Variants in USH2A observed in about 807,000 individuals in gnomAD.
The protein encoded by USH2A is Usher syndrome 2A (autosomal recessive, mild).
Under a neutral mutation model 538.9 loss-of-function variants are expected in USH2A, and 443 were observed. The ratio of observed to expected loss-of-function variants is 0.82; its 90% CI spans 0.76 to 0.89. The LOEUF is 0.89. Among genes scored for constraint, USH2A ranks in the 40% least tolerant of loss-of-function variants. The pLI, the probability that USH2A is intolerant of heterozygous loss-of-function variation, is 0.00. For synonymous variants in USH2A, 2,413 were observed against 2,273.5 expected (o/e 1.06, Z -1.75); for missense variants, 6,633 against 6,324.8 (o/e 1.05, Z -1.65).
At chr1:216,397,636 C>T (rs2039233613) in intron 3 of USH2A, among the ~76,000 whole-genome samples, 2 of 152,228 alleles carry the variant, frequency 1.3e-5, no homozygotes, top group Admixed American at 6.5e-5. Context: ...TGCCTTTAGA[C>T]ATCAGACTCT....
At chr1:216,189,879 C>A (rs938041482) in intron 20 of USH2A, among the ~76,000 whole-genome samples, 2 of 151,928 alleles carry the variant, frequency 1.3e-5, no homozygotes, top group African/African-American at 2.4e-5. Flanking sequence ...GGTAGTTAAG[C>A]CCTGGAGTCA....
chr1:215,855,929 G>C (rs953264259), intron 44 of USH2A, among the ~76,000 whole-genome samples: 17 of 152,078 alleles, frequency 1.1e-4, no homozygotes, highest in Non-Finnish European at 2.2e-4. Context: ...AAAACATAAA[G>C]TGGGTAAAGG....
chr1:216,027,817 C>T (rs1669006441), intron 32 of USH2A, among the ~76,000 whole-genome samples: 1 of 152,140 alleles, frequency 6.6e-6, no homozygotes, highest in East Asian at 1.9e-4. Context: ...TGATAATGCA[C>T]TAAAGATATC....
intron 20 of USH2A, among the ~76,000 whole-genome samples, chr1:216,179,032 TC>T (rs976808781): frequency 5.3e-5 from 8 of 152,200 alleles, no homozygotes; most frequent in African/African-American, 1.7e-4. Context: ...CTGAAGAATT[TC>T]ATTGCTGTTT....
intron 61 of USH2A, among the ~76,000 whole-genome samples, chr1:215,695,381 C>A (rs1257004152): frequency 6.6e-6 from 1 of 152,152 alleles, no homozygotes; most frequent in Admixed American, 6.5e-5. Flanking sequence ...GGTTTTGAAG[C>A]ATGAGATATG....
intron 50 of USH2A, among the ~76,000 whole-genome samples, chr1:215,795,076 T>C (rs1286099351): frequency 6.6e-6 from 1 of 152,184 alleles, no homozygotes; most frequent in Non-Finnish European, 1.5e-5. Flanking sequence ...CTAAATTTAA[T>C]CTTAAACTAC....
intron 42 of USH2A, 94 bp downstream of exon 42, chr1:215,878,670 A>G (rs1664833045): frequency 1.6e-6 from 2 of 1,283,546 alleles, no homozygotes; most frequent in South Asian, 2.6e-5. Context: ...AATTAGTTCT[A>G]TGTTCATATA....
intron 60 of USH2A, among the ~76,000 whole-genome samples, chr1:215,740,713 A>G (rs1249021181): frequency 2.0e-5 from 3 of 152,200 alleles, no homozygotes; most frequent in African/African-American, 7.2e-5. Context: ...GAGCTGCTTA[A>G]GCAGTGGTCC....
intron 30 of USH2A, among the ~76,000 whole-genome samples, chr1:216,057,394 G>A (rs2031013657): frequency 6.6e-6 from 1 of 152,050 alleles, no homozygotes; most frequent in Admixed American, 6.5e-5. Flanking sequence ...ATATTTTGTA[G>A]CCTGTAATGC....
At chr1:215,638,565 G>A (rs1338543920) in intron 69 of USH2A, among the ~76,000 whole-genome samples, 1 of 147,038 alleles carries the variant, frequency 6.8e-6, no homozygotes, top group African/African-American at 2.5e-5. Context: ...GCTGCAGTGA[G>A]CTGAGATTGC....
chr1:215,822,412 C>A (rs1398639134), intron 47 of USH2A, among the ~76,000 whole-genome samples: 2 of 151,626 alleles, frequency 1.3e-5, no homozygotes. Context: ...TTCTTGATTT[C>A]TTTTCAGATT....
intron 47 of USH2A, among the ~76,000 whole-genome samples, chr1:215,820,803 C>CT (rs201534877): frequency 0.01 from 1,557 of 151,770 alleles, 17 homozygotes; most frequent in African/African-American, 0.036. Context: ...ATGAGGTTCA[C>CT]TTTTTTATCT....
intron 13 of USH2A, among the ~76,000 whole-genome samples, chr1:216,238,063 G>A (rs895109724): frequency 6.6e-6 from 1 of 152,078 alleles, no homozygotes; most frequent in African/African-American, 2.4e-5. Context: ...GCAGGGTCTT[G>A]TACACAATTC....
chr1:216,154,420 G>C (rs945870053), intron 21 of USH2A, among the ~76,000 whole-genome samples: 4 of 145,160 alleles, frequency 2.8e-5, no homozygotes, highest in Admixed American at 6.9e-5. Flanking sequence ...TATTAAAATT[G>C]TTTGGTTTCC....
intron 47 of USH2A, among the ~76,000 whole-genome samples, chr1:215,826,796 A>G (rs532606867): frequency 1.3e-5 from 2 of 152,152 alleles, no homozygotes; most frequent in Non-Finnish European, 2.9e-5. Flanking sequence ...GCTCCATAAA[A>G]TGGTTATATA....
At chr1:216,239,269 T>C (rs527739525) in intron 13 of USH2A, among the ~76,000 whole-genome samples, 122 of 152,346 alleles carry the variant, frequency 8.0e-4, no homozygotes, top group African/African-American at 2.7e-3. Flanking sequence ...CTTAGGTCAC[T>C]GTTATTTTTC....
chr1:215,636,742 G>A (rs1656507115), intron 69 of USH2A, among the ~76,000 whole-genome samples: 1 of 152,030 alleles, frequency 6.6e-6, no homozygotes, highest in South Asian at 2.1e-4. Context: ...CCTGCTTGGA[G>A]GCTGCCTTCA....
intron 3 of USH2A, among the ~76,000 whole-genome samples, chr1:216,388,554 A>G (rs750471265): frequency 2.0e-5 from 3 of 152,222 alleles, no homozygotes; most frequent in Non-Finnish European, 2.9e-5. Context: ...CGGAAGATGA[A>G]TTTTTGTTGT....
intron 21 of USH2A, among the ~76,000 whole-genome samples, chr1:216,159,084 A>C (rs1308885971): frequency 3.3e-5 from 5 of 152,148 alleles, no homozygotes; most frequent in South Asian, 2.1e-4. Context: ...TTACTGAGTA[A>C]ACTGAATAGT....
Sources: allele counts gnomAD v4.1 joint callset (sites outside exome capture counted in the v4.1 genomes callset), GRCh38; gene constraint gnomAD v4.1.1; transcripts MANE v1.5; gene names NCBI Gene and HGNC (gene_info 2026-07-23, HGNC 2026-07-21).